The following LYPD6B variants were observed in gnomAD, a reference collection of about 807,000 sequenced individuals.
The protein encoded by LYPD6B is LY6/PLAUR domain containing 6B, also known as ly6/PLAUR domain-containing protein 6B.
In LYPD6B, 17 loss-of-function variants were observed where a neutral mutation model predicts 22.8. The observed-to-expected ratio is 0.75, with a 90% CI of 0.51 to 1.12. LYPD6B has a LOEUF of 1.12. LYPD6B is among the 50% of genes most tolerant of loss of function. LYPD6B has a pLI of 0.00. For missense variants in LYPD6B, 221 were observed against 258.3 expected, an observed-to-expected ratio of 0.86 and a Z score of 0.99; for synonymous variants, 106 against 91.6, an observed-to-expected ratio of 1.16 and a Z score of -0.90.
intron 2 of LYPD6B, among the ~76,000 whole-genome samples, chr2:149,157,159 T>C (rs1689757280): frequency 6.6e-6 from 1 of 152,202 alleles, no homozygotes. Flanking sequence ...AGATCCTTTG[T>C]ATTAGCATCC....
At chr2:149,095,026 T>C (rs1425667918) in intron 1 of LYPD6B, among the ~76,000 whole-genome samples, 1 of 152,228 alleles carries the variant, frequency 6.6e-6, no homozygotes, top group Non-Finnish European at 1.5e-5. Flanking sequence ...GAGTGGTGGC[T>C]CACGCCTGTA....
chr2:149,113,906 A>T (rs751980190), intron 1 of LYPD6B, among the ~76,000 whole-genome samples: 1 of 152,212 alleles, frequency 6.6e-6, no homozygotes, highest in Non-Finnish European at 1.5e-5. Context: ...TATTGACAAG[A>T]TGGTGTAGAG....
At chr2:149,157,188 G>T (rs55865390) in intron 2 of LYPD6B, among the ~76,000 whole-genome samples, 30,101 of 152,060 alleles carry the variant, frequency 0.2, 3,440 homozygotes, top group Non-Finnish European at 0.26. Context: ...GCCTGTCGGG[G>T]GCCGGCTTCT....
Position 149,074,694 on chromosome 2 carries a change from A to G in LYPD6B, c.-67+35893A>G, listed in dbSNP as rs1046401338. Among the ~76,000 whole-genome samples, 11 of 152,238 alleles carry G rather than the reference A, an allele frequency of 7.2e-5. 1 individual carries two copies. The South Asian group carries it at 1.9e-3, about 26-fold the overall frequency. On this transcript the variant is annotated intron_variant, in intron 1 of 6. Transcript: ENST00000409642. Reference sequence around the variant, plus strand: ...AGGGAGGTTCCCTCTTTGAAGAAAAATGTGAACTAAGTGGTTTCTCTGGGC... The same window carrying G: ...AGGGAGGTTCCCTCTTTGAAGAAAAGTGTGAACTAAGTGGTTTCTCTGGGC...
chr2:149,133,097 G>T (rs1292871680), intron 2 of LYPD6B, among the ~76,000 whole-genome samples: 1 of 152,140 alleles, frequency 6.6e-6, no homozygotes, highest in East Asian at 1.9e-4. Flanking sequence ...GATTTAAAGG[G>T]TCCCACAGAC....
At chr2:149,174,026 C>G (rs1691064751) in intron 3 of LYPD6B, among the ~76,000 whole-genome samples, 1 of 152,158 alleles carries the variant, frequency 6.6e-6, no homozygotes, top group East Asian at 1.9e-4. Context: ...TTTCCATGAC[C>G]ATGGAATGTT....
rs1575146591 is a variant in LYPD6B at position 149,187,702 on chromosome 2, T to C, written c.78-17551T>C. 9 of 451,376 alleles carry C rather than the reference T, an allele frequency of 2.0e-5. No homozygotes were observed. In the East Asian group the frequency reaches 3.2e-4, roughly 16 times the overall value. 28.0% of individuals were successfully genotyped at this position (451,376 alleles called of 1,614,324 possible). On this transcript the variant is annotated intron_variant, in intron 3 of 6. Coordinates refer to ENST00000409642, the MANE Select transcript of LYPD6B (RefSeq NM_177964.5). The stretch of plus-strand genomic sequence containing the variant: ...AAGAAGAGCTATCTTGGACCACACA[T>C]AAAATACGCTAACACTAATGATAGC...
chr2:149,209,919 AC>A (rs902601441), intron 5 of LYPD6B, among the ~76,000 whole-genome samples: 13 of 144,986 alleles, frequency 9.0e-5, no homozygotes, highest in African/African-American at 2.6e-4. Context: ...TACATTTTCA[AC>A]AGAAATTTAT....
intron 2 of LYPD6B, among the ~76,000 whole-genome samples, chr2:149,154,844 G>T (rs192632344): frequency 6.6e-6 from 1 of 152,174 alleles, no homozygotes; most frequent in Admixed American, 6.5e-5. Flanking sequence ...TATATGCTAG[G>T]GACCGAAAGA....
chr2:149,088,273 A>G (rs1308729583), intron 1 of LYPD6B, among the ~76,000 whole-genome samples: 2 of 152,156 alleles, frequency 1.3e-5, no homozygotes, highest in East Asian at 1.9e-4. Flanking sequence ...TGAACTGTTT[A>G]GGATTTAGGG....
chr2:149,179,362 C>T (rs1401778657), intron 3 of LYPD6B, among the ~76,000 whole-genome samples: 6 of 152,108 alleles, frequency 3.9e-5, no homozygotes, highest in Middle Eastern at 3.2e-3. Context: ...CTGGCAGTGC[C>T]GATGACGATG....
chr2:149,119,706 G>A (rs568924354), intron 1 of LYPD6B, among the ~76,000 whole-genome samples: 1 of 152,320 alleles, frequency 6.6e-6, no homozygotes, highest in South Asian at 2.1e-4. Context: ...TGCTAGATAG[G>A]ATCTCTTTAA....
At chr2:149,199,749 C>T (rs978448653) in intron 3 of LYPD6B, among the ~76,000 whole-genome samples, 7 of 152,066 alleles carry the variant, frequency 4.6e-5, no homozygotes, top group Non-Finnish European at 7.4e-5. Flanking sequence ...GGGAAAACAA[C>T]ACTCCATGTA....
chr2:149,043,069 A>G (rs1056196125), intron 1 of LYPD6B, among the ~76,000 whole-genome samples: 3 of 152,210 alleles, frequency 2.0e-5, no homozygotes. Context: ...TTTCATCATT[A>G]TGTTCCAGAA....
At chr2:149,206,938 A>G (rs1693541641) in intron 4 of LYPD6B, among the ~76,000 whole-genome samples, 1 of 152,144 alleles carries the variant, frequency 6.6e-6, no homozygotes, top group South Asian at 2.1e-4. Flanking sequence ...AGAAAGAAAA[A>G]GAAATCACAA....
At chr2:149,109,015 A>C (rs947702014) in intron 1 of LYPD6B, among the ~76,000 whole-genome samples, 6 of 152,104 alleles carry the variant, frequency 3.9e-5, no homozygotes, top group African/African-American at 1.4e-4. Context: ...TTACTTGTAC[A>C]TATGTAAGGG....
intron 1 of LYPD6B, among the ~76,000 whole-genome samples, chr2:149,113,410 A>C (rs1363261001): frequency 6.6e-6 from 1 of 152,200 alleles, no homozygotes; most frequent in Admixed American, 6.6e-5. Flanking sequence ...GAAGGATATC[A>C]AGATCAACTT....
intron 3 of LYPD6B, among the ~76,000 whole-genome samples, chr2:149,165,530 A>T (rs1354841829): frequency 6.6e-6 from 1 of 152,216 alleles, no homozygotes; most frequent in African/African-American, 2.4e-5. Context: ...AATAAAGTTA[A>T]TAACAACACA....
intron 1 of LYPD6B, among the ~76,000 whole-genome samples, chr2:149,082,315 A>T (rs1685173644): frequency 6.6e-6 from 1 of 152,210 alleles, no homozygotes; most frequent in African/African-American, 2.4e-5. Context: ...TAGGTCATAG[A>T]TCTTCACCTC....
Sources: allele counts gnomAD v4.1 joint callset (sites outside exome capture counted in the v4.1 genomes callset), GRCh38; gene constraint gnomAD v4.1.1; transcripts MANE v1.5; gene names NCBI Gene and HGNC (gene_info 2026-07-23, HGNC 2026-07-21).